The following STXBP5L variants were observed in gnomAD, a reference collection of about 807,000 sequenced individuals.
The protein encoded by STXBP5L is syntaxin binding protein 5L.
STXBP5L carries 65 observed loss-of-function variants against 144.5 expected under a neutral mutation model. The ratio of observed to expected loss-of-function variants is 0.45; its 90% confidence interval spans 0.37 to 0.55. The LOEUF is 0.55. Ranked by LOEUF, STXBP5L falls within the 20% of genes least tolerant of loss-of-function variation. The pLI is 0.00. For missense variants in STXBP5L, 1,298 were observed against 1,405.5 expected, an observed-to-expected ratio of 0.92 and a Z score of 1.22; for synonymous variants, 505 against 469.6, an observed-to-expected ratio of 1.08 and a Z score of -0.97.
chr3:121,066,428 A>G (rs2041550615), intron 5 of STXBP5L, among the ~76,000 whole-genome samples: 1 of 150,978 alleles, frequency 6.6e-6, no homozygotes, highest in Non-Finnish European at 1.5e-5. Context: ...TGGGTGTTGA[A>G]TTTTATCATA....
chr3:121,418,314 A>G lies in STXBP5L; in HGVS notation c.3227-23A>G, dbSNP rs772354256. The G allele has an allele frequency of 9.4e-6, 15 of 1,598,906 alleles. No individual in the cohort carries two copies. In the Admixed American group the frequency reaches 1.2e-4, roughly 13 times the overall value. ...TTGAATTACTGACAAAATGTTTTAA[A>G]TTGCTATTGCATATATTCTCAGTTG... On this transcript the variant is annotated intron_variant, in intron 25 of 26. Transcript: ENST00000471454.
At position 121,296,801 on chromosome 3, in the gene STXBP5L, A is replaced by T. The variant is rs150105941; in HGVS notation, c.2110+16845A>T. On this transcript the variant is annotated intron_variant, in intron 19 of 26. Transcript: ENST00000471454. Reference sequence around the variant, plus strand: ...GAAAGAATTTGAAACAACCCTAAATAGAAAAATAAATCATTCAAGTTGGCA... The same window carrying T: ...GAAAGAATTTGAAACAACCCTAAATTGAAAAATAAATCATTCAAGTTGGCA... Among the ~76,000 whole-genome samples the T allele has an allele frequency of 2.6e-5, 4 of 152,322 alleles. No homozygotes were observed. The East Asian group carries it at 7.7e-4, about 29-fold the overall frequency.
At chr3:121,177,200 C>A (rs1376455695) in intron 9 of STXBP5L, among the ~76,000 whole-genome samples, 2 of 152,030 alleles carry the variant, frequency 1.3e-5, no homozygotes, top group Non-Finnish European at 2.9e-5. Flanking sequence ...AATAATATGG[C>A]ATGGCTGAGC....
At chr3:121,001,594 G>A (rs941686537) in intron 3 of STXBP5L, among the ~76,000 whole-genome samples, 8 of 152,118 alleles carry the variant, frequency 5.3e-5, no homozygotes, top group Non-Finnish European at 1.0e-4. Flanking sequence ...TGGAGCTCAT[G>A]GAGTCTCCTG....
chr3:121,164,911 G>A (rs1012536591), intron 9 of STXBP5L, among the ~76,000 whole-genome samples: 2 of 152,094 alleles, frequency 1.3e-5, no homozygotes, highest in African/African-American at 4.8e-5. Flanking sequence ...GGGAGATGTA[G>A]GTCAGAGGAT....
At chr3:121,077,902 G>T (rs1474754543) in intron 5 of STXBP5L, among the ~76,000 whole-genome samples, 1 of 151,764 alleles carries the variant, frequency 6.6e-6, no homozygotes, top group African/African-American at 2.4e-5. Flanking sequence ...GCTAGATACA[G>T]AGTGCTGATT....
intron 6 of STXBP5L, 58 bp from the exon 7 acceptor site, chr3:121,121,583 T>C: frequency 8.1e-7 from 1 of 1,228,672 alleles, no homozygotes; most frequent in Non-Finnish European, 1.2e-6. Context: ...TTTCAGTCTC[T>C]AGTGGTAAGG....
intron 7 of STXBP5L, among the ~76,000 whole-genome samples, chr3:121,146,007 T>G (rs1479517770): frequency 6.6e-6 from 1 of 152,030 alleles, no homozygotes; most frequent in Admixed American, 6.6e-5. Flanking sequence ...TTCCTGCTTT[T>G]GAATATCAGC....
In STXBP5L at chr3:121,373,996, C is replaced by G. The variant is rs557560769; in HGVS notation, c.2177-4720C>G. 1.8e-3 allele frequency among the ~76,000 whole-genome samples: 273 copies of G among 152,314 alleles called. 2 individuals are homozygous for G. Among genetic ancestry groups the G allele is most frequent in the Admixed American group, 5.4e-3 (83 of 15,300 alleles). ...GCCCAAAGACCAGCCTACTCAGGGC[C>G]CATACTACCACCACTGACACCTGCA... On this transcript the variant is annotated intron_variant, in intron 20 of 26. Transcript: ENST00000471454.
intron 3 of STXBP5L, among the ~76,000 whole-genome samples, chr3:120,973,392 T>TG (rs1198190838): frequency 6.6e-6 from 1 of 152,082 alleles, no homozygotes; most frequent in Non-Finnish European, 1.5e-5. Flanking sequence ...GATTTTTTTT[T>TG]GCATTTCTAT....
intron 3 of STXBP5L, among the ~76,000 whole-genome samples, chr3:120,963,311 T>C (rs1939101761): frequency 1.3e-5 from 2 of 152,198 alleles, no homozygotes; most frequent in Non-Finnish European, 2.9e-5. Flanking sequence ...TCCAACATTA[T>C]GTTGAATAGG....
At chr3:121,179,794 T>C (rs1448633535) in intron 9 of STXBP5L, among the ~76,000 whole-genome samples, 1 of 151,916 alleles carries the variant, frequency 6.6e-6, no homozygotes, top group Non-Finnish European at 1.5e-5. Flanking sequence ...CAAAATACAG[T>C]AGAAAGTTTC....
At chr3:121,005,157 T>G (rs1182631855) in intron 3 of STXBP5L, among the ~76,000 whole-genome samples, 1 of 152,212 alleles carries the variant, frequency 6.6e-6, no homozygotes, top group Non-Finnish European at 1.5e-5. Flanking sequence ...TCTGGTAGAA[T>G]TTGGCTGTGA....
chr3:121,004,251 G>C lies in STXBP5L; in HGVS notation c.288-37449G>C, dbSNP rs531196900. On this transcript the variant is annotated intron_variant, in intron 3 of 26. Coordinates refer to ENST00000471454, the MANE Select transcript of STXBP5L (RefSeq NM_001308330.2). ...CGAGCAGTGGTTTGTAGCTCTCCTT[G>C]AAGAGGTCCTTCACATCCCTTGTAA... Among the ~76,000 whole-genome samples, 330 of 151,712 alleles carry C rather than the reference G, an allele frequency of 2.2e-3. 3 individuals carry two copies. Among genetic ancestry groups the C allele is most frequent in the Non-Finnish European group, 3.5e-3 (240 of 67,830 alleles).
chr3:121,298,875 C>A lies in STXBP5L; in HGVS notation c.2110+18919C>A, dbSNP rs188394843. 5.9e-5 allele frequency among the ~76,000 whole-genome samples: 9 copies of A among 152,272 alleles called. No homozygotes were observed. In the East Asian group the frequency reaches 1.7e-3, roughly 29 times the overall value. ...ATATGGTAAACAGTACTGTAATGTA[C>A]ACTGAAAAATTTGTTTAGAAGGTAG... On this transcript the variant is annotated intron_variant, in intron 19 of 26. Transcript: ENST00000471454.
chr3:121,280,755 A>G (rs1455526060), intron 19 of STXBP5L, among the ~76,000 whole-genome samples: 1 of 151,784 alleles, frequency 6.6e-6, no homozygotes, highest in East Asian at 1.9e-4. Context: ...TATAATATTA[A>G]GTGTTATTTT....
chr3:120,970,912 CA>C (rs2107793802), intron 3 of STXBP5L, among the ~76,000 whole-genome samples: 1 of 152,138 alleles, frequency 6.6e-6, no homozygotes, highest in Non-Finnish European at 1.5e-5. Flanking sequence ...TTACAGTGAA[CA>C]ACAGAACTTA....
In STXBP5L at chr3:121,418,576, T is replaced by A; in HGVS notation, c.3447+19T>A. On this transcript the variant is annotated intron_variant, in intron 26 of 26. Transcript: ENST00000471454. ...ACATGAGGTAAACTGCCTAAGTAAA[T>A]ACAGACATCTTCATACAGGAGTAAC... 6.2e-7 allele frequency: 1 copy of A among 1,610,658 alleles called. No individual in the cohort carries two copies.
chr3:121,021,517 C>T (rs1369678178), intron 3 of STXBP5L, among the ~76,000 whole-genome samples: 1 of 152,084 alleles, frequency 6.6e-6, no homozygotes, highest in Admixed American at 6.6e-5. Flanking sequence ...TATCATAGGC[C>T]ACAAAACAAG....
Sources: allele counts gnomAD v4.1 joint callset (sites outside exome capture counted in the v4.1 genomes callset), GRCh38; gene constraint gnomAD v4.1.1; transcripts MANE v1.5; gene names NCBI Gene and HGNC (gene_info 2026-07-23, HGNC 2026-07-21).